Variants in TENM2 observed in about 807,000 individuals in gnomAD.
The protein encoded by TENM2 is teneurin-2.
In TENM2, 52 loss-of-function variants were observed where a neutral mutation model predicts 245.2. The observed-to-expected ratio is 0.21, with a 90% CI of 0.17 to 0.27. The LOEUF is 0.27. TENM2 is among the 10% of genes least tolerant of loss of function. TENM2 has a pLI of 1.00. For missense variants in TENM2, 3,046 were observed against 3,666.8 expected, an observed-to-expected ratio of 0.83 and a Z score of 4.37; for synonymous variants, 1,363 against 1,438.9, an observed-to-expected ratio of 0.95 and a Z score of 1.19.
At chr5:167,679,669 CAT>C (rs1756568787) in intron 2 of TENM2, among the ~76,000 whole-genome samples, 1 of 152,076 alleles carries the variant, frequency 6.6e-6, no homozygotes, top group Non-Finnish European at 1.5e-5. Context: ...TTTCCTGAAA[CAT>C]GTTATTAGAA....
At chr5:167,237,974 C>G in the TENM2 span, among the ~76,000 whole-genome samples, 1 of 136,914 alleles carries the variant, frequency 7.3e-6, no homozygotes, top group African/African-American at 2.9e-5. Context: ...CATGCCACTC[C>G]ATTCCAGCCT....
the TENM2 span, among the ~76,000 whole-genome samples, chr5:167,202,876 A>C: frequency 6.6e-6 from 1 of 152,070 alleles, no homozygotes; most frequent in Non-Finnish European, 1.5e-5. Context: ...CACCTTAGCA[A>C]ATGACCTACA....
At chr5:167,204,122 ATT>A in the TENM2 span, among the ~76,000 whole-genome samples, 1 of 151,514 alleles carries the variant, frequency 6.6e-6, no homozygotes, top group African/African-American at 2.4e-5. Flanking sequence ...CTCTGTAAGT[ATT>A]TGCTGCTGTT....
intron 2 of TENM2, among the ~76,000 whole-genome samples, chr5:167,727,445 C>G (rs906367408): frequency 1.3e-5 from 2 of 152,136 alleles, no homozygotes; most frequent in Non-Finnish European, 2.9e-5. Context: ...TTTTCACATG[C>G]CTTGTGTCAG....
At chr5:168,047,070 G>A (rs1195365213) in intron 5 of TENM2, among the ~76,000 whole-genome samples, 3 of 152,186 alleles carry the variant, frequency 2.0e-5, no homozygotes, top group Non-Finnish European at 4.4e-5. Context: ...TGTGTCCAGA[G>A]TGTAGAAAAG....
chr5:167,210,487 T>TG, the TENM2 span, among the ~76,000 whole-genome samples: 4 of 147,706 alleles, frequency 2.7e-5, no homozygotes, highest in Non-Finnish European at 4.5e-5. Flanking sequence ...GACGGAGTCT[T>TG]GCTCTGTTGC....
In TENM2 at chr5:168,204,498, G is replaced by A. The variant is rs753288767; in HGVS notation, c.3701G>A (p.Gly1234Asp). ...CCCAGCTGCAACGGCCTTGCTGAAGGCAACAAGCTGCTGGCCCCAGTGGCT... is the reference window on the plus strand; with the variant it reads ...CCCAGCTGCAACGGCCTTGCTGAAGACAACAAGCTGCTGGCCCCAGTGGCT... Residue 1234 changes from glycine (G) to aspartate (D), a missense_variant, in exon 19 of 29, where the codon GGC (glycine) becomes GAC (aspartate). Physicochemically the swap from Gly to Asp is moderately conservative, Grantham distance 94 (BLOSUM62 -1). Around this residue, in one of 2 missense-constraint regions of TENM2, gnomAD observed 2,704 missense variants for 3,331.9 expected, o/e 0.81. Coordinates refer to ENST00000518659, the Ensembl canonical transcript of TENM2. 65 of 1,613,892 alleles carry A rather than the reference G, an allele frequency of 4.0e-5. No individual in the cohort carries two copies. Among genetic ancestry groups the A allele is most frequent in the Non-Finnish European group, 5.3e-5 (62 of 1,179,898 alleles).
At chr5:167,471,987 C>T (rs1456692633) in intron 2 of TENM2, among the ~76,000 whole-genome samples, 6 of 152,174 alleles carry the variant, frequency 3.9e-5, no homozygotes, top group Non-Finnish European at 5.9e-5. Context: ...GTTAAGCTGG[C>T]TTGAGCCCCA....
the TENM2 span, among the ~76,000 whole-genome samples, chr5:167,184,891 C>T: frequency 6.6e-6 from 1 of 152,190 alleles, no homozygotes; most frequent in Admixed American, 6.5e-5. Context: ...GCAGAAAACA[C>T]TTAGCTTTTC....
intron 8 of TENM2, among the ~76,000 whole-genome samples, chr5:168,097,099 T>C (rs1271515701): frequency 6.6e-6 from 1 of 152,238 alleles, no homozygotes; most frequent in East Asian, 1.9e-4. Flanking sequence ...AAACCTCCTA[T>C]TTAAAGAATT....
chr5:167,405,959 TG>T (rs1762616488), intron 2 of TENM2, among the ~76,000 whole-genome samples: 1 of 152,096 alleles, frequency 6.6e-6, no homozygotes, highest in Admixed American at 6.6e-5. Flanking sequence ...TCCAAAGTGT[TG>T]TTTATCATAG....
chr5:167,587,171 C>G (rs1393276586), intron 2 of TENM2, among the ~76,000 whole-genome samples: 1 of 152,174 alleles, frequency 6.6e-6, no homozygotes, highest in African/African-American at 2.4e-5. Flanking sequence ...CTCCAACTCC[C>G]TTATCACTCA....
chr5:167,758,633 G>T (rs899821971), intron 2 of TENM2, among the ~76,000 whole-genome samples: 2 of 151,940 alleles, frequency 1.3e-5, no homozygotes, highest in Admixed American at 6.6e-5. Context: ...CTAGATCATT[G>T]CATGTTAGCT....
intron 7 of TENM2, chr5:168,087,173 A>G (rs967157077): frequency 2.6e-5 from 4 of 152,246 alleles, no homozygotes. Flanking sequence ...GCACTTTGAG[A>G]TAGAAAGGAG....
At chr5:167,768,927 C>T (rs1356282912) in intron 2 of TENM2, among the ~76,000 whole-genome samples, 2 of 152,172 alleles carry the variant, frequency 1.3e-5, no homozygotes, top group Admixed American at 6.5e-5. Flanking sequence ...GAGGGTGCGG[C>T]TCATGGTCAC....
chr5:167,444,726 T>G (rs1765063128), intron 2 of TENM2, among the ~76,000 whole-genome samples: 1 of 152,220 alleles, frequency 6.6e-6, no homozygotes, highest in Non-Finnish European at 1.5e-5. Flanking sequence ...TGGGAATCTG[T>G]GTCTTTTCTA....
chr5:167,905,895 G>A (rs573346040), intron 3 of TENM2, among the ~76,000 whole-genome samples: 2 of 152,228 alleles, frequency 1.3e-5, no homozygotes, highest in South Asian at 4.1e-4. Flanking sequence ...TACCATGAAA[G>A]CTAATGCGAC....
intron 2 of TENM2, among the ~76,000 whole-genome samples, chr5:167,513,180 A>C (rs1483046137): frequency 6.6e-6 from 1 of 152,126 alleles, no homozygotes; most frequent in Non-Finnish European, 1.5e-5. Context: ...ATAATGGTTT[A>C]CTTTGAGCTC....
the TENM2 span, among the ~76,000 whole-genome samples, chr5:167,070,144 G>T: frequency 4.5e-5 from 3 of 66,116 alleles, no homozygotes; most frequent in African/African-American, 2.2e-4. Context: ...TTGAGACAGA[G>T]TCTCACTCTG....
Sources: gnomAD v4.1 joint callset for allele counts (sites outside exome capture counted in the v4.1 genomes callset) on GRCh38, gnomAD v4.1.1 for gene constraint, gnomAD v4.1.1 regional missense constraint, MANE v1.5 for transcripts, NCBI Gene and HGNC (gene_info 2026-07-23, HGNC 2026-07-21) for gene names.